IGSF5: variants seen among roughly 807,000 people sequenced by gnomAD.
The protein encoded by IGSF5 is immunoglobulin superfamily 5 like.
IGSF5 carries 41 observed loss-of-function variants against 39.4 expected under a neutral mutation model. That is an observed-to-expected ratio of 1.04 (90% CI 0.81 to 1.35). IGSF5 has a LOEUF of 1.35. Ranked by LOEUF, IGSF5 falls within the 40% of genes most tolerant of loss-of-function variation. IGSF5 has a pLI of 0.00. For missense variants in IGSF5, 487 were observed against 494.6 expected (o/e 0.98, Z 0.15); for synonymous variants, 183 against 175.3 (o/e 1.04, Z -0.34).
chr21:39,769,141 G>T (rs539274358), intron 3 of IGSF5, among the ~76,000 whole-genome samples: 1 of 152,254 alleles, frequency 6.6e-6, no homozygotes, highest in East Asian at 1.9e-4. Flanking sequence ...GAAAATGAAA[G>T]TTCCTTGATA....
upstream of IGSF5, among the ~76,000 whole-genome samples, chr21:39,745,056 CT>C (rs112817124): frequency 0.34 from 50,088 of 149,250 alleles, 8,577 homozygotes; most frequent in African/African-American, 0.37. Context: ...ATAGGGCACA[CT>C]TTTTTTTTTT....
intron 2 of IGSF5, among the ~76,000 whole-genome samples, chr21:39,763,526 C>T (rs1489949975): frequency 6.6e-6 from 1 of 152,182 alleles, no homozygotes; most frequent in Non-Finnish European, 1.5e-5. Flanking sequence ...CGTGTGGCCT[C>T]CGGGGTACAT....
chr21:39,727,056 C>T, the IGSF5 span, among the ~76,000 whole-genome samples: 1 of 152,196 alleles, frequency 6.6e-6, no homozygotes, highest in Non-Finnish European at 1.5e-5. Flanking sequence ...GCTGAACCTG[C>T]AGCCTACCTA....
Position 39,771,163 on chromosome 21 carries a change from G to A in IGSF5, c.666G>A (p.Leu222=). The A allele has an allele frequency of 6.2e-7, 1 of 1,604,384 alleles. No homozygotes were observed. Among genetic ancestry groups the A allele is most frequent in the South Asian group, 1.1e-5 (1 of 88,868 alleles). ...TLTCVATWKS[L]KARKSATVNL... ...CTTGCGTGGCTACCTGGAAGAGCCTGAAGGCCCGCAAGTCTGCAACTGTAA... is the reference window on the plus strand; with the variant it reads ...CTTGCGTGGCTACCTGGAAGAGCCTAAAGGCCCGCAAGTCTGCAACTGTAA... Residue 222 remains leucine (L), a synonymous_variant, in exon 4 of 9, where the codon CTG becomes CTA. Coordinates refer to ENST00000380588, the MANE Select transcript of IGSF5 (RefSeq NM_001080444.2).
At chr21:39,784,614 C>T (rs1467040365) in intron 5 of IGSF5, among the ~76,000 whole-genome samples, 1 of 151,566 alleles carries the variant, frequency 6.6e-6, no homozygotes, top group Non-Finnish European at 1.5e-5. Context: ...CACCCCACCC[C>T]TGCCCACCCC....
the IGSF5 span, among the ~76,000 whole-genome samples, chr21:39,734,338 G>A: frequency 1.0e-4 from 15 of 150,460 alleles, no homozygotes; most frequent in East Asian, 5.9e-4. Flanking sequence ...CAGGAGAATC[G>A]CTTGAACCCG....
intron 2 of IGSF5, among the ~76,000 whole-genome samples, chr21:39,754,097 AT>A (rs1331086065): frequency 1.4e-4 from 22 of 152,292 alleles, no homozygotes; most frequent in African/African-American, 5.3e-4. Flanking sequence ...TGTGAGATTT[AT>A]GCTTTAAGCA....
At chr21:39,758,518 T>G (rs1387082792) in intron 2 of IGSF5, among the ~76,000 whole-genome samples, 1 of 152,140 alleles carries the variant, frequency 6.6e-6, no homozygotes, top group African/African-American at 2.4e-5. Context: ...TGAAGCCTCC[T>G]AACCCTTGCC....
intron 5 of IGSF5, among the ~76,000 whole-genome samples, chr21:39,781,958 T>C (rs2080172964): frequency 6.6e-6 from 1 of 152,196 alleles, no homozygotes; most frequent in Non-Finnish European, 1.5e-5. Context: ...CTGGTGCTTA[T>C]ATCTTATATG....
chr21:39,746,589 C>T (rs190147139), intron 2 of IGSF5, among the ~76,000 whole-genome samples: 7 of 152,226 alleles, frequency 4.6e-5, no homozygotes, highest in Non-Finnish European at 7.4e-5. Flanking sequence ...CTTACTAAAA[C>T]CCAATAATTC....
intron 2 of IGSF5, among the ~76,000 whole-genome samples, chr21:39,763,952 T>C (rs143357011): frequency 3.3e-4 from 50 of 152,276 alleles, no homozygotes; most frequent in African/African-American, 1.2e-3. Context: ...TCAGGGAGAA[T>C]ACCTAATCTG....
intron 2 of IGSF5, among the ~76,000 whole-genome samples, chr21:39,759,955 G>A (rs79452439): frequency 0.014 from 2,117 of 151,976 alleles, 51 homozygotes; most frequent in African/African-American, 0.049. Flanking sequence ...TATTTCAGGA[G>A]AGGAGAGTAT....
upstream of IGSF5, among the ~76,000 whole-genome samples, chr21:39,740,226 G>A (rs1380572011): frequency 5.9e-5 from 9 of 152,202 alleles, 1 homozygote; most frequent in African/African-American, 2.2e-4. Flanking sequence ...ATTTCTAATG[G>A]AGGGTCCTGC....
At chr21:39,792,956 G>A (rs1478410221) in intron 7 of IGSF5, among the ~76,000 whole-genome samples, 1 of 152,028 alleles carries the variant, frequency 6.6e-6, no homozygotes, top group Non-Finnish European at 1.5e-5. Flanking sequence ...TTGCTGAGGG[G>A]CCTAAACACC....
intron 3 of IGSF5, 74 bp from the exon 4 acceptor site, chr21:39,770,841 AG>A (rs2080109882): frequency 6.4e-6 from 7 of 1,088,476 alleles, no homozygotes; most frequent in South Asian, 6.1e-5. Flanking sequence ...AAAAAAAAAA[AG>A]AAAAAAAAAA....
intron 5 of IGSF5, among the ~76,000 whole-genome samples, chr21:39,780,912 C>T (rs966341005): frequency 6.6e-6 from 1 of 152,190 alleles, no homozygotes; most frequent in African/African-American, 2.4e-5. Flanking sequence ...ACATTTTGTA[C>T]AGTTAAATTA....
In IGSF5 at chr21:39,788,246, CAAT is replaced by C. The variant is rs1555945658; in HGVS notation, c.956+64_956+66del. The C allele has an allele frequency of 6.4e-6, 8 of 1,249,042 alleles. No individual in the cohort carries two copies. The East Asian group carries it at 7.0e-5, about 11-fold the overall frequency. 77.4% of individuals were successfully genotyped at this position (1,249,042 alleles called of 1,614,324 possible). On this transcript the variant is annotated intron_variant, in intron 6 of 8. Transcript: ENST00000380588. ...CAAAACAAAAAAAATTGAACAACAA[CAAT>C]AATAACAACAATACGTACACACAAC...
chr21:39,791,385 C>G (rs1430131838), intron 6 of IGSF5, among the ~76,000 whole-genome samples: 1 of 152,158 alleles, frequency 6.6e-6, no homozygotes. Context: ...AGCATACATC[C>G]TTAGAGGTCA....
At chr21:39,727,279 C>A in the IGSF5 span, among the ~76,000 whole-genome samples, 1 of 152,232 alleles carries the variant, frequency 6.6e-6, no homozygotes, top group Admixed American at 6.5e-5. Context: ...TCTGTTGAAC[C>A]CAAATATGAC....
Sources: gnomAD v4.1 joint callset for allele counts (sites outside exome capture counted in the v4.1 genomes callset) on GRCh38, gnomAD v4.1.1 for gene constraint, MANE v1.5 for transcripts, NCBI Gene and HGNC (gene_info 2026-07-23, HGNC 2026-07-21) for gene names.